The following SENP7 variants were observed in gnomAD, a reference collection of about 807,000 sequenced individuals.
The protein encoded by SENP7 is SUMO specific peptidase 7, also known as sentrin-specific protease 7.
SENP7 carries 64 observed loss-of-function variants against 141.2 expected under a neutral mutation model. The ratio of observed to expected loss-of-function variants is 0.45; its 90% CI spans 0.37 to 0.56. The LOEUF is 0.56. Among genes scored for constraint, SENP7 ranks in the 20% least tolerant of loss-of-function variants. The pLI is 0.00. For synonymous variants in SENP7, 382 were observed against 426.4 expected, an observed-to-expected ratio of 0.90 and a Z score of 1.28; for missense variants, 1,025 against 1,212.2, an observed-to-expected ratio of 0.85 and a Z score of 2.29.
chr3:101,365,098 G>A, intron 9 of SENP7, 107 bp from the exon 10 acceptor site: 1 of 639,186 alleles, frequency 1.6e-6, no homozygotes. Flanking sequence ...CACCTCCCGG[G>A]CTCAGGCAAT....
At position 101,330,405 on chromosome 3, in the gene SENP7, G is replaced by A. The variant is rs554357929; in HGVS notation, c.2699-19C>T. Reference sequence around the variant, plus strand: ...TCATTATCTAGTTAGAAATAATTAAGCAGTTATGAGTGTTTATTGCATGTT... The same window carrying A: ...TCATTATCTAGTTAGAAATAATTAAACAGTTATGAGTGTTTATTGCATGTT... On this transcript the variant is annotated intron_variant, in intron 19 of 23. Coordinates refer to ENST00000394095, the MANE Select transcript of SENP7 (RefSeq NM_020654.5). 2 of 1,562,978 alleles carry A rather than the reference G, an allele frequency of 1.3e-6. No individual in the cohort carries two copies. Among genetic ancestry groups the A allele is most frequent in the Admixed American group, 1.7e-5 (1 of 58,952 alleles).
intron 6 of SENP7, among the ~76,000 whole-genome samples, chr3:101,375,977 G>A (rs187291496): frequency 2.0e-5 from 3 of 152,244 alleles, no homozygotes; most frequent in African/African-American, 2.4e-5. Context: ...GGGGAGAATG[G>A]GGAATTATTA....
intron 4 of SENP7, among the ~76,000 whole-genome samples, chr3:101,430,636 C>A (rs956831489): frequency 3.9e-5 from 6 of 152,130 alleles, no homozygotes; most frequent in Admixed American, 3.3e-4. Flanking sequence ...TTCAAAAAAA[C>A]CAGCTCCTGG....
chr3:101,453,721 TG>T (rs977260662), intron 4 of SENP7, among the ~76,000 whole-genome samples: 1 of 144,780 alleles, frequency 6.9e-6, no homozygotes, highest in Non-Finnish European at 1.5e-5. Context: ...TGTTGTGGGG[TG>T]GGGGCAGGGG....
rs553907475 is a variant in SENP7, at chr3:101,504,730, G to C, written c.41-3611C>G. On this transcript the variant is annotated intron_variant, in intron 1 of 23. Transcript: ENST00000394095. ...ACAGAACTGGAGACCTTCATCTTCA[G>C]TGAAACAACTCAGATTAGAAGCTCA... 2.0e-5 allele frequency among the ~76,000 whole-genome samples: 3 copies of C among 152,304 alleles called. No homozygotes were observed. In the South Asian group the frequency reaches 6.2e-4, roughly 32 times the overall value.
rs200843216 is a variant in SENP7, at chr3:101,366,601, T to C, written c.1147A>G (p.Lys383Glu). The change falls in exon 9 of 24, where the codon AAA (lysine) becomes GAA (glutamate). Residue 383 changes from lysine (K) to glutamate (E), a missense_variant. By Grantham distance (56) the Lys-to-Glu change is moderately conservative. Transcript: ENST00000394095. ...SQELTLSNAT[K>E]SASAGSTTET... is the part of the protein sequence containing the mutation. ...GTGGTTGAACCGGCAGAGGCACTTT[T>C]GGTGGCATTACTCAAAGTCAACTCC... The C allele has an allele frequency of 1.9e-6, 3 of 1,613,852 alleles. No individual in the cohort carries two copies. Among genetic ancestry groups the C allele is most frequent in the African/African-American group, 1.3e-5 (1 of 74,916 alleles).
intron 20 of SENP7, 35 bp from the exon 21 acceptor site, chr3:101,328,724 A>G (rs112551611): frequency 6.6e-7 from 1 of 1,518,140 alleles, no homozygotes; most frequent in South Asian, 1.1e-5. Flanking sequence ...CTGCAATTAA[A>G]GCTATTTTGA....
chr3:101,471,857 T>A (rs780548885), intron 3 of SENP7, among the ~76,000 whole-genome samples: 1 of 152,154 alleles, frequency 6.6e-6, no homozygotes, highest in Non-Finnish European at 1.5e-5. Flanking sequence ...GAACAGACAC[T>A]TCTCAAAAGA....
chr3:101,486,499 C>T (rs1275657311), intron 3 of SENP7, among the ~76,000 whole-genome samples: 3 of 152,236 alleles, frequency 2.0e-5, no homozygotes, highest in Admixed American at 6.5e-5. Context: ...CTGTATCCAA[C>T]GAAAGTAAGT....
intron 5 of SENP7, among the ~76,000 whole-genome samples, chr3:101,404,586 A>G (rs2061244895): frequency 6.6e-6 from 1 of 152,212 alleles, no homozygotes; most frequent in Non-Finnish European, 1.5e-5. Context: ...ATCTAATTAA[A>G]CTAAGGAGCT....
intron 5 of SENP7, among the ~76,000 whole-genome samples, chr3:101,402,913 A>G (rs902608342): frequency 6.6e-6 from 1 of 152,244 alleles, no homozygotes; most frequent in Admixed American, 6.5e-5. Context: ...TGGATCAAGA[A>G]GTAATTTCAA....
At chr3:101,439,331 C>T (rs2062539538) in intron 4 of SENP7, among the ~76,000 whole-genome samples, 1 of 76,874 alleles carries the variant, frequency 1.3e-5, no homozygotes, top group East Asian at 3.8e-4. Flanking sequence ...AGCCTCTCCG[C>T]CCGGCAGCCA....
At chr3:101,402,227 G>C (rs191180757) in intron 5 of SENP7, among the ~76,000 whole-genome samples, 1 of 152,096 alleles carries the variant, frequency 6.6e-6, no homozygotes, top group African/African-American at 2.4e-5. Flanking sequence ...GCATAAGTTC[G>C]AAAGACAGGC....
intron 3 of SENP7, among the ~76,000 whole-genome samples, chr3:101,470,399 A>G (rs1211773330): frequency 6.6e-6 from 1 of 152,236 alleles, no homozygotes; most frequent in Non-Finnish European, 1.5e-5. Flanking sequence ...AACAATGACA[A>G]AAACCACGAT....
chr3:101,443,526 T>A (rs922324333), intron 4 of SENP7, among the ~76,000 whole-genome samples: 1 of 151,896 alleles, frequency 6.6e-6, no homozygotes, highest in Non-Finnish European at 1.5e-5. Flanking sequence ...ATTGAATCTA[T>A]AAATTACCTT....
At chr3:101,371,948 A>G in intron 7 of SENP7, 60 bp downstream of exon 7, 1 of 605,788 alleles carries the variant, frequency 1.7e-6, no homozygotes, top group Non-Finnish European at 2.6e-6. Context: ...TATAACAAAA[A>G]TTATTATTAA....
intron 4 of SENP7, among the ~76,000 whole-genome samples, chr3:101,436,402 CA>C (rs2062389700): frequency 6.6e-6 from 1 of 151,976 alleles, no homozygotes; most frequent in Non-Finnish European, 1.5e-5. Context: ...CACAGACAAC[CA>C]AAGCAAAAAT....
chr3:101,489,626 C>T (rs900382662), intron 3 of SENP7, among the ~76,000 whole-genome samples: 1 of 152,146 alleles, frequency 6.6e-6, no homozygotes, highest in Non-Finnish European at 1.5e-5. Flanking sequence ...TATATATGCA[C>T]CCACTATTGG....
At chr3:101,504,951 C>T (rs748725118) in intron 1 of SENP7, among the ~76,000 whole-genome samples, 15 of 151,808 alleles carry the variant, frequency 9.9e-5, no homozygotes, top group Non-Finnish European at 5.9e-5. Flanking sequence ...CCCAGGAGGT[C>T]AAGGCTGCAG....
Sources: allele counts gnomAD v4.1 joint callset (sites outside exome capture counted in the v4.1 genomes callset), GRCh38; gene constraint gnomAD v4.1.1; transcripts MANE v1.5; gene names NCBI Gene and HGNC (gene_info 2026-07-23, HGNC 2026-07-21).